The following PTPRN2 variants were observed in gnomAD, a reference collection of about 807,000 sequenced individuals.
PTPRN2 encodes the protein protein tyrosine phosphatase receptor type N2.
Under a neutral mutation model 118.8 loss-of-function variants are expected in PTPRN2, and 74 were observed. That is an observed-to-expected ratio of 0.62 (90% CI 0.52 to 0.76). The LOEUF is 0.76. Among genes scored for constraint, PTPRN2 ranks in the 30% least tolerant of loss-of-function variants. PTPRN2 has a pLI of 0.00. For missense variants in PTPRN2, 1,481 were observed against 1,394.4 expected, an observed-to-expected ratio of 1.06 and a Z score of -0.99; for synonymous variants, 641 against 608.0, an observed-to-expected ratio of 1.05 and a Z score of -0.80.
At chr7:157,940,266 C>A (rs1184162870) in intron 11 of PTPRN2, among the ~76,000 whole-genome samples, 2 of 152,162 alleles carry the variant, frequency 1.3e-5, no homozygotes, top group East Asian at 3.8e-4. Context: ...CTTTTCTCTC[C>A]CCTTCCTAGT....
chr7:158,165,368 G>T (rs2150585658), intron 6 of PTPRN2, among the ~76,000 whole-genome samples: 1 of 152,358 alleles, frequency 6.6e-6, no homozygotes, highest in East Asian at 1.9e-4. Flanking sequence ...GTAGCAAACA[G>T]CACCATCAAT....
At chr7:157,807,264 A>C (rs905959852) in intron 12 of PTPRN2, among the ~76,000 whole-genome samples, 1 of 152,230 alleles carries the variant, frequency 6.6e-6, no homozygotes, top group East Asian at 1.9e-4. Context: ...GGGTTGGGGC[A>C]GACAGAGTAG....
At chr7:158,387,086 AG>A (rs1407461987) in intron 2 of PTPRN2, among the ~76,000 whole-genome samples, 3 of 152,210 alleles carry the variant, frequency 2.0e-5, no homozygotes, top group Admixed American at 2.0e-4. Context: ...AGAACACGGG[AG>A]GCTCTGCCCA....
chr7:157,907,445 C>A lies in PTPRN2; in HGVS notation c.1724-8708G>T, dbSNP rs114979770. ...GGTGGCAGTATCTCCTTGTCCTCTG[C>A]GTGTGGGGTGTCCCGGGTGGCAGTA... On this transcript the variant is annotated intron_variant, in intron 11 of 22. Coordinates refer to ENST00000389418, the MANE Select transcript of PTPRN2 (RefSeq NM_002847.5). 2.5e-3 allele frequency among the ~76,000 whole-genome samples: 336 copies of A among 136,634 alleles called. 4 individuals carry two copies. Among genetic ancestry groups the A allele is most frequent in the African/African-American group, 8.3e-3 (294 of 35,348 alleles). 89.6% of individuals were successfully genotyped at this position (136,634 alleles called of 152,430 possible).
At chr7:157,821,452 G>A (rs1806834236) in intron 12 of PTPRN2, among the ~76,000 whole-genome samples, 1 of 152,212 alleles carries the variant, frequency 6.6e-6, no homozygotes, top group African/African-American at 2.4e-5. Context: ...GAGCATGTGG[G>A]GAGGCCACCA....
intron 5 of PTPRN2, among the ~76,000 whole-genome samples, chr7:158,188,812 G>T (rs1825520799): frequency 1.3e-5 from 2 of 152,184 alleles, no homozygotes; most frequent in African/African-American, 4.8e-5. Context: ...CGGGGCGTGT[G>T]TTGAGAATGC....
At chr7:157,866,256 A>G (rs140982777) in intron 12 of PTPRN2, among the ~76,000 whole-genome samples, 2,355 of 152,302 alleles carry the variant, frequency 0.015, 35 homozygotes, top group Non-Finnish European at 0.025. Flanking sequence ...TCATCAATTA[A>G]GAGTCAGTGA....
At chr7:158,288,747 G>A (rs75240619) in intron 3 of PTPRN2, among the ~76,000 whole-genome samples, 2,097 of 152,268 alleles carry the variant, frequency 0.014, 46 homozygotes, top group African/African-American at 0.048. Context: ...GAATTTGACT[G>A]TATACTTATT....
At chr7:157,720,397 C>T (rs775040601) in intron 12 of PTPRN2, among the ~76,000 whole-genome samples, 6 of 152,336 alleles carry the variant, frequency 3.9e-5, no homozygotes, top group East Asian at 1.9e-4. Context: ...CTGGCTTCTC[C>T]GCCTCCTGCA....
In PTPRN2 at chr7:157,629,239, G is replaced by A. The variant is rs111589088; in HGVS notation, c.2197-7730C>T. ...TTCACCTGTTCCTGCAGACCCTGCTGCCAAAGACACCGCAGAACCCATGGG... is the reference window on the plus strand; with the variant it reads ...TTCACCTGTTCCTGCAGACCCTGCTACCAAAGACACCGCAGAACCCATGGG... On this transcript the variant is annotated intron_variant, in intron 14 of 22. Coordinates refer to ENST00000389418, the MANE Select transcript of PTPRN2 (RefSeq NM_002847.5). This position sits in a 1 kb window ranked among gnomAD's most constrained non-coding sequence, Gnocchi z 4.4. Among the ~76,000 whole-genome samples, 830 of 152,212 alleles carry A rather than the reference G, an allele frequency of 5.5e-3. 4 individuals carry two copies. The highest frequency in any genetic ancestry group is 0.019 in the African/African-American group (778 of 41,518).
intron 11 of PTPRN2, among the ~76,000 whole-genome samples, chr7:157,945,829 G>T (rs1800452989): frequency 6.6e-6 from 1 of 152,000 alleles, no homozygotes; most frequent in Non-Finnish European, 1.5e-5. Context: ...AGCAAGTCCA[G>T]CCACACCACT....
At chr7:157,646,735 G>A (rs1046400691) in intron 14 of PTPRN2, among the ~76,000 whole-genome samples, 2 of 152,176 alleles carry the variant, frequency 1.3e-5, no homozygotes, top group African/African-American at 4.8e-5. Context: ...GCATGGACAC[G>A]GGAGGCTCTA....
chr7:157,674,516 C>A lies in PTPRN2; in HGVS notation c.2001+8209G>T, dbSNP rs1457055394. 6.6e-6 allele frequency among the ~76,000 whole-genome samples: 1 copy of A among 152,262 alleles called. No individual in the cohort carries two copies. Among genetic ancestry groups the A allele is most frequent in the Admixed American group, 6.5e-5 (1 of 15,294 alleles). On this transcript the variant is annotated intron_variant, in intron 13 of 22. Transcript: ENST00000389418. This position sits in a 1 kb window ranked among gnomAD's most constrained non-coding sequence, Gnocchi z 4.5. ...CCAGCCATCATTCCTCATCCCACCACCCCGCGCAGCGTCTTGCCTCCTTTT... is the reference window on the plus strand; with the variant it reads ...CCAGCCATCATTCCTCATCCCACCAACCCGCGCAGCGTCTTGCCTCCTTTT...
rs190260702 is a variant in PTPRN2, at chr7:157,853,634, C to T, written c.1788+45039G>A. Among the ~76,000 whole-genome samples, 307 of 152,216 alleles carry T rather than the reference C, an allele frequency of 2.0e-3. 1 individual carries two copies. Among genetic ancestry groups the T allele is most frequent in the Admixed American group, 3.9e-3 (60 of 15,298 alleles). On this transcript the variant is annotated intron_variant, in intron 12 of 22. Coordinates refer to ENST00000389418, the MANE Select transcript of PTPRN2 (RefSeq NM_002847.5). ...CTGAGCGCTCAGGAAGGGAACTGTCCGAGGAGCCTCCTCCACGGCGGAACT... is the reference window on the plus strand; with the variant it reads ...CTGAGCGCTCAGGAAGGGAACTGTCTGAGGAGCCTCCTCCACGGCGGAACT...
chr7:157,920,646 T>C (rs1798647940), intron 11 of PTPRN2, among the ~76,000 whole-genome samples: 1 of 152,214 alleles, frequency 6.6e-6, no homozygotes, highest in Non-Finnish European at 1.5e-5. Flanking sequence ...TGCCCAATCC[T>C]TGGCAAAGCA....
At chr7:157,984,053 C>G (rs1043789140) in intron 11 of PTPRN2, among the ~76,000 whole-genome samples, 4 of 152,146 alleles carry the variant, frequency 2.6e-5, no homozygotes, top group Non-Finnish European at 5.9e-5. Flanking sequence ...GGTGCACTTG[C>G]ACAGCCAAGC....
chr7:158,146,655 A>G (rs1311644690), intron 6 of PTPRN2, among the ~76,000 whole-genome samples: 1 of 147,958 alleles, frequency 6.8e-6, no homozygotes, highest in African/African-American at 2.5e-5. Context: ...CAGGAGGCGG[A>G]GCTAGTAGTG....
chr7:157,682,948 A>G lies in PTPRN2; in HGVS notation c.1789-11T>C. 6.3e-7 allele frequency: 1 copy of G among 1,592,714 alleles called. No homozygotes were observed. Among genetic ancestry groups the G allele is most frequent in the Non-Finnish European group, 8.6e-7 (1 of 1,161,610 alleles). ...CTTGAGTTTGCTTTTCTGCAGAACA[A>G]GGAGAGAGGGGTGTGTTAGCTCCTG... On this transcript the variant is annotated splice_polypyrimidine_tract_variant and intron_variant, in intron 12 of 22. Transcript: ENST00000389418.
intron 1 of PTPRN2, among the ~76,000 whole-genome samples, chr7:158,506,429 GGC>G (rs1822751415): frequency 6.6e-6 from 1 of 152,148 alleles, no homozygotes; most frequent in African/African-American, 2.4e-5. Flanking sequence ...CAGGTGTGGT[GGC>G]AATTGTGCAG....
Sources: allele counts gnomAD v4.1 joint callset (sites outside exome capture counted in the v4.1 genomes callset), GRCh38; gene constraint gnomAD v4.1.1; non-coding constraint Gnocchi (gnomAD v3.1); transcripts MANE v1.5; gene names NCBI Gene and HGNC (gene_info 2026-07-23, HGNC 2026-07-21).